SMURF1: variants seen among roughly 807,000 people sequenced by gnomAD.
SMURF1 encodes the protein SMAD specific E3 ubiquitin protein ligase 1, also known as E3 ubiquitin-protein ligase SMURF1.
SMURF1 carries 44 observed loss-of-function variants against 98.0 expected under a neutral mutation model. The ratio of observed to expected loss-of-function variants is 0.45; its 90% CI spans 0.35 to 0.58. SMURF1 has a LOEUF of 0.58. SMURF1 is among the 20% of genes least tolerant of loss of function. SMURF1 has a pLI of 0.00. For missense variants in SMURF1, 687 were observed against 938.4 expected, an observed-to-expected ratio of 0.73 and a Z score of 3.50; for synonymous variants, 396 against 374.9, an observed-to-expected ratio of 1.06 and a Z score of -0.65.
At chr7:99,097,994 G>T (rs1037116350) in intron 1 of SMURF1, among the ~76,000 whole-genome samples, 2 of 151,768 alleles carry the variant, frequency 1.3e-5, no homozygotes, top group African/African-American at 4.9e-5. Flanking sequence ...AGAGAAAAAT[G>T]AAGATCTTTT....
intron 1 of SMURF1, among the ~76,000 whole-genome samples, chr7:99,109,730 T>G (rs912993169): frequency 1.3e-5 from 2 of 152,160 alleles, no homozygotes; most frequent in South Asian, 2.1e-4. Flanking sequence ...TCTGAGTGAG[T>G]CACCAAAGAT....
chr7:99,036,860 G>A (rs765654573), intron 15 of SMURF1, among the ~76,000 whole-genome samples: 2 of 152,080 alleles, frequency 1.3e-5, no homozygotes, highest in African/African-American at 2.4e-5. Context: ...ATTTCCTACC[G>A]CCAAGCAGAC....
intron 16 of SMURF1, chr7:99,035,290 C>G (rs1401544410): frequency 8.5e-6 from 5 of 585,518 alleles, no homozygotes; most frequent in Non-Finnish European, 1.5e-5. Flanking sequence ...TCCAGGTGCC[C>G]TGGAGTGGCT....
Position 99,038,581 on chromosome 7 carries a change from T to C in SMURF1, c.1551-56A>G, listed in dbSNP as rs187053910. On this transcript the variant is annotated intron_variant, in intron 13 of 17. Transcript: ENST00000361368. ...AGAACTCTGCCACCACGCGGGGCCA[T>C]TGGGTAGACAGAAAACATTTACGAC... is the stretch of plus-strand genomic sequence containing the variant. 317 of 1,579,624 alleles carry C rather than the reference T, an allele frequency of 2.0e-4. 1 individual carries two copies. The East Asian group carries it at 3.5e-3, about 17-fold the overall frequency.
chr7:99,118,943 C>G (rs1350304110), intron 1 of SMURF1, among the ~76,000 whole-genome samples: 2 of 150,544 alleles, frequency 1.3e-5, no homozygotes, highest in Non-Finnish European at 2.9e-5. Context: ...TCACTGCAGC[C>G]TCAACCTTCT....
At chr7:99,124,331 C>T (rs1001826433) in intron 1 of SMURF1, among the ~76,000 whole-genome samples, 2 of 152,196 alleles carry the variant, frequency 1.3e-5, no homozygotes, top group Non-Finnish European at 2.9e-5. Flanking sequence ...TTACCAGCCT[C>T]GCCCAGTTTC....
chr7:99,110,733 T>C (rs528724961), intron 1 of SMURF1, among the ~76,000 whole-genome samples: 9 of 152,192 alleles, frequency 5.9e-5, no homozygotes, highest in African/African-American at 1.7e-4. Flanking sequence ...ATGTCGTCCA[T>C]AGACAAACTG....
intron 1 of SMURF1, among the ~76,000 whole-genome samples, chr7:99,119,397 T>C (rs1584199407): frequency 6.6e-6 from 1 of 152,214 alleles, no homozygotes; most frequent in East Asian, 1.9e-4. Flanking sequence ...AGAGTAAATA[T>C]GTAAATAAAG....
At chr7:99,065,045 GT>G (rs1359770817) in intron 1 of SMURF1, among the ~76,000 whole-genome samples, 3 of 151,552 alleles carry the variant, frequency 2.0e-5, no homozygotes, top group Non-Finnish European at 4.4e-5. Context: ...TATCTTGAAT[GT>G]AGCATATTTA....
chr7:99,058,042 A>G (rs1795927675), intron 3 of SMURF1, among the ~76,000 whole-genome samples: 4 of 152,232 alleles, frequency 2.6e-5, no homozygotes, highest in Admixed American at 1.3e-4. Context: ...AAGAAGAACT[A>G]CCTTGCTCCT....
chr7:99,061,877 C>G (rs201505593), intron 1 of SMURF1, 40 bp from the exon 2 acceptor site: 1 of 1,471,152 alleles, frequency 6.8e-7, no homozygotes, highest in African/African-American at 1.4e-5. Flanking sequence ...GCATTAAAGA[C>G]GAGATTTCCA....
chr7:99,071,687 A>G (rs1166994919), intron 1 of SMURF1, among the ~76,000 whole-genome samples: 3 of 152,208 alleles, frequency 2.0e-5, no homozygotes, highest in Non-Finnish European at 4.4e-5. Context: ...GAAGGTAAGA[A>G]AAGTGTCTCA....
intron 5 of SMURF1, among the ~76,000 whole-genome samples, chr7:99,056,989 A>AC (rs1416155013): frequency 6.6e-6 from 1 of 150,538 alleles, no homozygotes; most frequent in African/African-American, 2.4e-5. Flanking sequence ...AAAAAAAAAA[A>AC]ACCAAAAAAA....
intron 1 of SMURF1, among the ~76,000 whole-genome samples, chr7:99,133,599 G>T (rs1319032787): frequency 1.3e-5 from 2 of 152,076 alleles, no homozygotes. Context: ...AAAGCATTTG[G>T]CAAGTTTCAT....
intron 5 of SMURF1, among the ~76,000 whole-genome samples, chr7:99,056,977 CAAA>C (rs11452990): frequency 3.0e-5 from 3 of 99,364 alleles, no homozygotes; most frequent in African/African-American, 7.5e-5. Context: ...CACTCCATCT[CAAA>C]AAAAAAAAAA....
At chr7:99,138,276 G>A (rs1219221490) in intron 1 of SMURF1, among the ~76,000 whole-genome samples, 1 of 152,148 alleles carries the variant, frequency 6.6e-6, no homozygotes, top group African/African-American at 2.4e-5. Context: ...AGGCTTTTTT[G>A]AACCACTGAA....
At chr7:99,047,643 G>A in intron 10 of SMURF1, 41 bp downstream of exon 10, 3 of 1,600,220 alleles carry the variant, frequency 1.9e-6, no homozygotes, top group South Asian at 1.1e-5. Flanking sequence ...TGCCTTATTT[G>A]TTTCTGAACA....
intron 1 of SMURF1, among the ~76,000 whole-genome samples, chr7:99,092,509 G>A (rs144690433): frequency 1.2e-4 from 19 of 152,320 alleles, no homozygotes; most frequent in Middle Eastern, 3.4e-3. Context: ...GTTCCCAGCT[G>A]AGGTCAAACC....
intron 1 of SMURF1, among the ~76,000 whole-genome samples, chr7:99,116,379 C>A (rs533887625): frequency 1.3e-5 from 2 of 152,192 alleles, no homozygotes; most frequent in East Asian, 3.9e-4. Flanking sequence ...GACTAGACTG[C>A]AATTGCCAAA....
Sources: allele counts gnomAD v4.1 joint callset (sites outside exome capture counted in the v4.1 genomes callset), GRCh38; gene constraint gnomAD v4.1.1; transcripts MANE v1.5; gene names NCBI Gene and HGNC (gene_info 2026-07-23, HGNC 2026-07-21).